The following CEP192 variants were observed in gnomAD, a reference collection of about 807,000 sequenced individuals.
The protein encoded by CEP192 is centrosomal protein 192, also known as centrosomal protein of 192 kDa.
CEP192 carries 151 observed loss-of-function variants against 271.8 expected under a neutral mutation model. The observed-to-expected ratio is 0.56, with a 90% CI of 0.49 to 0.64. CEP192 has a LOEUF of 0.64. Among genes scored for constraint, CEP192 ranks in the 30% least tolerant of loss-of-function variants. CEP192 has a pLI of 0.00. For missense variants in CEP192, 2,910 were observed against 3,020.5 expected (o/e 0.96, Z 0.86); for synonymous variants, 995 against 1,076.5 (o/e 0.92, Z 1.48).
chr18:13,008,713 T>A, intron 4 of CEP192, 82 bp downstream of exon 4: 1 of 1,265,048 alleles, frequency 7.9e-7, no homozygotes, highest in Non-Finnish European at 1.1e-6. Flanking sequence ...TTTTTTTTTT[T>A]TTTTTTTGAG....
intron 27 of CEP192, among the ~76,000 whole-genome samples, 172 bp downstream of exon 27, chr18:13,070,028 G>A (rs1046095461): frequency 6.6e-6 from 1 of 152,074 alleles, no homozygotes; most frequent in Non-Finnish European, 1.5e-5. Context: ...GGGCTTGGTG[G>A]TGTGCACCTG....
At chr18:13,019,245 G>A in intron 9 of CEP192, 39 bp downstream of exon 9, 1 of 1,444,414 alleles carries the variant, frequency 6.9e-7, no homozygotes, top group Admixed American at 3.0e-5. Flanking sequence ...TATAAAAAAA[G>A]GAATAAGGGG....
In CEP192 at chr18:13,113,645, A is replaced by G; in HGVS notation, c.7107A>G (p.Glu2369=). The G allele has an allele frequency of 1.2e-6, 2 of 1,613,576 alleles. No individual in the cohort carries two copies. Among genetic ancestry groups the G allele is most frequent in the Non-Finnish European group, 1.7e-6 (2 of 1,179,602 alleles). The change falls in exon 41 of 45, where the codon GAA becomes GAG. Residue 2369 remains glutamate, a synonymous_variant. Transcript: ENST00000506447. ...ATTATGCCCAGTTTTGGGATGTTGA[A>G]TGTCACCCTCTTAAGGAGCCTCACA... is the stretch of plus-strand genomic sequence containing the variant. ...RGDYAQFWDV[E]CHPLKEPHMK... is the part of the protein sequence containing the mutation.
chr18:12,993,518 C>G (rs765928823), intron 1 of CEP192, among the ~76,000 whole-genome samples: 16 of 152,176 alleles, frequency 1.1e-4, no homozygotes, highest in Non-Finnish European at 2.1e-4. Context: ...GTTGCCTAGG[C>G]TGGATTGCAG....
In CEP192 at chr18:13,055,831, G is replaced by A. The variant is rs776579142; in HGVS notation, c.3241G>A (p.Ala1081Thr). Reference protein sequence around the residue: ...STTIIQGSPAALEERAMEKLR... With the variant: ...STTIIQGSPATLEERAMEKLR... ...CACAATTATTCAAGGCAGTCCAGCC[G>A]CATTGGAGGAACGGGCTATGGAAAA... The change falls in exon 19 of 45, where the codon GCA becomes ACA. Residue 1081 changes from alanine to threonine, a missense_variant. Ala to Thr is a moderately conservative substitution (Grantham distance 58). Coordinates refer to ENST00000506447, the MANE Select transcript of CEP192 (RefSeq NM_032142.4). 9.3e-6 allele frequency: 15 copies of A among 1,609,214 alleles called. No individual in the cohort carries two copies. The highest frequency in any genetic ancestry group is 5.4e-5 in the African/African-American group (4 of 74,600).
intron 15 of CEP192, among the ~76,000 whole-genome samples, chr18:13,043,233 T>C (rs2036303870): frequency 6.6e-6 from 1 of 152,200 alleles, no homozygotes; most frequent in East Asian, 1.9e-4. Flanking sequence ...CAATGGACAG[T>C]TCGTTTTATT....
intron 3 of CEP192, among the ~76,000 whole-genome samples, chr18:13,002,920 C>G (rs1240573859): frequency 1.3e-5 from 2 of 152,060 alleles, no homozygotes; most frequent in East Asian, 3.9e-4. Context: ...AAGATGTTAA[C>G]CCTTGTGTAT....
rs557123519 is a variant in CEP192 at position 13,009,486 on chromosome 18, C to A, written c.466+855C>A. On this transcript the variant is annotated intron_variant, in intron 4 of 44. Coordinates refer to ENST00000506447, the MANE Select transcript of CEP192 (RefSeq NM_032142.4). The stretch of plus-strand genomic sequence containing the variant: ...TAAGTTCTAAAAGAAATTACTGTTT[C>A]TAAGAAAACTAGGTTGAATGCATTG... Among the ~76,000 whole-genome samples, 3 of 152,190 alleles carry A rather than the reference C, an allele frequency of 2.0e-5. No individual in the cohort carries two copies. The South Asian group carries it at 6.2e-4, about 32-fold the overall frequency.
At chr18:13,022,082 T>C (rs2035027262) in intron 9 of CEP192, among the ~76,000 whole-genome samples, 1 of 152,226 alleles carries the variant, frequency 6.6e-6, no homozygotes, top group African/African-American at 2.4e-5. Context: ...ATTCATTTTT[T>C]TGCATATAAA....
chr18:13,070,999 T>G, intron 27 of CEP192, 40 bp from the exon 28 acceptor site: 1 of 1,553,630 alleles, frequency 6.4e-7, no homozygotes, highest in South Asian at 1.1e-5. Context: ...CGAAAAGAAT[T>G]GAATACAGGA....
Position 13,087,617 on chromosome 18 carries a change from A to G in CEP192, c.5964A>G (p.Gly1988=). The part of the protein sequence containing the change: ...TELSTVYLFG[G]DEISRQQYRR... ...TATCAACTGTATACTTATTTGGTGG[A>G]GATGAAATTTCAAGACAGCAGTATC... is the stretch of plus-strand genomic sequence containing the variant. Residue 1988 remains glycine, a synonymous_variant, in exon 32 of 45, where the codon GGA becomes GGG. Transcript: ENST00000506447. The G allele has an allele frequency of 2.5e-6, 4 of 1,573,742 alleles. No homozygotes were observed. Among genetic ancestry groups the G allele is most frequent in the Non-Finnish European group, 3.5e-6 (4 of 1,158,044 alleles).
chr18:13,069,078 C>T lies in CEP192; in HGVS notation c.4963-11C>T. 6.2e-7 allele frequency: 1 copy of T among 1,613,984 alleles called. No homozygotes were observed. Among genetic ancestry groups the T allele is most frequent in the South Asian group, 1.1e-5 (1 of 91,080 alleles). ...AGTTCGTTGAAATGTCTGTCTTGCCCCATCCTCCAGACGATGCATTTCTTG... is the reference window on the plus strand; with the variant it reads ...AGTTCGTTGAAATGTCTGTCTTGCCTCATCCTCCAGACGATGCATTTCTTG... On this transcript the variant is annotated splice_polypyrimidine_tract_variant and intron_variant, in intron 25 of 44. Coordinates refer to ENST00000506447, the MANE Select transcript of CEP192 (RefSeq NM_032142.4).
At chr18:13,073,470 G>C (rs1181596734) in intron 30 of CEP192, among the ~76,000 whole-genome samples, 2 of 152,170 alleles carry the variant, frequency 1.3e-5, no homozygotes, top group African/African-American at 4.8e-5. Flanking sequence ...ACATCTTTGG[G>C]TAAATCCATG....
intron 34 of CEP192, among the ~76,000 whole-genome samples, chr18:13,094,030 T>G (rs1237316697): frequency 2.0e-5 from 3 of 152,244 alleles, no homozygotes; most frequent in Admixed American, 6.5e-5. Flanking sequence ...GGCCAGTTAC[T>G]TTGTAAAATA....
At chr18:13,073,254 T>A (rs1330287554) in intron 30 of CEP192, 69 bp downstream of exon 30, 2 of 1,329,688 alleles carry the variant, frequency 1.5e-6, no homozygotes, top group East Asian at 4.6e-5. Flanking sequence ...GGTTTAATGT[T>A]GTAAATTATA....
intron 9 of CEP192, among the ~76,000 whole-genome samples, chr18:13,029,258 A>G (rs1027498174): frequency 6.6e-6 from 1 of 152,252 alleles, no homozygotes; most frequent in Non-Finnish European, 1.5e-5. Flanking sequence ...TCCTATTAAA[A>G]GATATTAATA....
intron 6 of CEP192, among the ~76,000 whole-genome samples, chr18:13,016,293 C>T (rs1488180074): frequency 6.6e-6 from 1 of 152,182 alleles, no homozygotes; most frequent in Non-Finnish European, 1.5e-5. Flanking sequence ...GGAACAGCAT[C>T]AGCAAAGGCC....
Position 13,055,402 on chromosome 18 carries a change from T to C in CEP192, c.3190-378T>C, listed in dbSNP as rs75953736. 2.2e-4 allele frequency among the ~76,000 whole-genome samples: 34 copies of C among 152,270 alleles called. No individual in the cohort carries two copies. The East Asian group carries it at 6.0e-3, about 27-fold the overall frequency. On this transcript the variant is annotated intron_variant, in intron 18 of 44. Transcript: ENST00000506447. ...CGCCTGACCTCAAAGTTGTTACCGT[T>C]TCAAGCTTGCTCAGCCCCCACTCCT...
intron 9 of CEP192, among the ~76,000 whole-genome samples, chr18:13,019,531 C>T (rs1209041978): frequency 6.6e-6 from 1 of 152,076 alleles, no homozygotes; most frequent in Non-Finnish European, 1.5e-5. Context: ...TCAGTTTTTT[C>T]TGTTTGTTAA....
Sources: gnomAD v4.1 joint callset for allele counts (sites outside exome capture counted in the v4.1 genomes callset) on GRCh38, gnomAD v4.1.1 for gene constraint, MANE v1.5 for transcripts, NCBI Gene and HGNC (gene_info 2026-07-23, HGNC 2026-07-21) for gene names.